The following UBE2E3 variants were observed in gnomAD, a reference collection of about 807,000 sequenced individuals.
UBE2E3 encodes ubiquitin-conjugating enzyme E2 E3.
UBE2E3 carries 5 observed loss-of-function variants against 23.6 expected under a neutral mutation model. The observed-to-expected ratio is 0.21, with a 90% CI of 0.11 to 0.44. The LOEUF (loss-of-function observed/expected upper bound fraction) is 0.44. UBE2E3 is among the 20% of genes least tolerant of loss of function. The pLI is 0.99. For missense variants in UBE2E3, 81 were observed against 249.8 expected (o/e 0.32, Z 4.55); for synonymous variants, 78 against 87.5 (o/e 0.89, Z 0.60).
intron 3 of UBE2E3, among the ~76,000 whole-genome samples, chr2:181,053,776 T>C (rs1378481156): frequency 2.0e-5 from 3 of 151,782 alleles, no homozygotes; most frequent in Non-Finnish European, 4.4e-5. Flanking sequence ...TTTACACATA[T>C]ATAGTGACAT....
At chr2:181,023,861 A>G (rs972854334) in intron 3 of UBE2E3, among the ~76,000 whole-genome samples, 3 of 152,176 alleles carry the variant, frequency 2.0e-5, no homozygotes, top group Admixed American at 1.3e-4. Flanking sequence ...GGTGCCCTCC[A>G]CGTAAGTTCG....
In UBE2E3 at chr2:181,015,856, G is replaced by C. The variant is rs142066914; in HGVS notation, c.245+31763G>C. Among the ~76,000 whole-genome samples the C allele has an allele frequency of 9.2e-5, 14 of 152,078 alleles. No homozygotes were observed. The East Asian group carries it at 2.7e-3, about 29-fold the overall frequency. ...GATACCCACAAAACTTAAGTCACTA[G>C]TTCAGCAATTTATAGCTAACTATGC... is the stretch of plus-strand genomic sequence containing the variant. On this transcript the variant is annotated intron_variant, in intron 3 of 5. Coordinates refer to ENST00000410062, the MANE Select transcript of UBE2E3 (RefSeq NM_006357.4).
chr2:181,032,148 C>T (rs991254721), intron 3 of UBE2E3, among the ~76,000 whole-genome samples: 2 of 152,128 alleles, frequency 1.3e-5, no homozygotes, highest in Admixed American at 1.3e-4. Flanking sequence ...AATTTTATGC[C>T]TAGCTTTTCT....
chr2:181,049,965 C>G (rs574067022), intron 3 of UBE2E3, among the ~76,000 whole-genome samples: 1 of 151,924 alleles, frequency 6.6e-6, no homozygotes, highest in African/African-American at 2.4e-5. Flanking sequence ...ATTTGCCATA[C>G]CCTGAATATA....
chr2:180,994,378 C>T (rs1440353622), intron 3 of UBE2E3, among the ~76,000 whole-genome samples: 1 of 152,140 alleles, frequency 6.6e-6, no homozygotes, highest in Non-Finnish European at 1.5e-5. Flanking sequence ...CTGGCTTCAT[C>T]TATGCCTCCG....
chr2:181,054,084 T>C (rs948727900), intron 3 of UBE2E3, among the ~76,000 whole-genome samples: 1 of 151,852 alleles, frequency 6.6e-6, no homozygotes, highest in Non-Finnish European at 1.5e-5. Flanking sequence ...AGTTTATATA[T>C]CCATTCACCT....
At chr2:181,058,215 G>A (rs1432783215) in intron 4 of UBE2E3, among the ~76,000 whole-genome samples, 1 of 151,686 alleles carries the variant, frequency 6.6e-6, no homozygotes, top group African/African-American at 2.4e-5. Flanking sequence ...AGAAATAAGG[G>A]TTTAATAATG....
intron 5 of UBE2E3, among the ~76,000 whole-genome samples, chr2:181,061,764 C>T (rs1312165493): frequency 2.2e-5 from 3 of 136,272 alleles, no homozygotes; most frequent in Non-Finnish European, 4.6e-5. Context: ...CATTTTGTTT[C>T]GTTATGTGAC....
chr2:180,989,944 T>C, intron 3 of UBE2E3: 1 of 1,549,152 alleles, frequency 6.5e-7, no homozygotes, highest in East Asian at 2.4e-5. Context: ...GAACTTGTCC[T>C]TTCAGTCTCT....
chr2:181,041,893 C>G (rs1269285403), intron 3 of UBE2E3, among the ~76,000 whole-genome samples: 1 of 152,202 alleles, frequency 6.6e-6, no homozygotes, highest in African/African-American at 2.4e-5. Flanking sequence ...CTTGCCATCA[C>G]AAAGTGTGGA....
intron 3 of UBE2E3, among the ~76,000 whole-genome samples, chr2:181,026,789 A>G (rs1023740468): frequency 6.6e-6 from 1 of 151,870 alleles, no homozygotes; most frequent in African/African-American, 2.4e-5. Context: ...TACACATGCT[A>G]ATGGCAATAT....
At chr2:181,054,897 T>A (rs1686945617) in intron 3 of UBE2E3, among the ~76,000 whole-genome samples, 1 of 151,422 alleles carries the variant, frequency 6.6e-6, no homozygotes, top group Non-Finnish European at 1.5e-5. Flanking sequence ...GAATAGAGAG[T>A]GAGAACGAGG....
At chr2:181,019,283 C>T (rs1337304460) in intron 3 of UBE2E3, among the ~76,000 whole-genome samples, 7 of 152,190 alleles carry the variant, frequency 4.6e-5, no homozygotes, top group Middle Eastern at 3.2e-3. Context: ...TATGAGAATA[C>T]GGGTCCCTGA....
intron 3 of UBE2E3, among the ~76,000 whole-genome samples, chr2:180,997,248 T>A (rs1684851607): frequency 6.6e-6 from 1 of 152,070 alleles, no homozygotes; most frequent in Admixed American, 6.5e-5. Flanking sequence ...TATCTATCTC[T>A]ATTTATTTTT....
intron 3 of UBE2E3, among the ~76,000 whole-genome samples, chr2:181,021,161 A>G (rs1685657253): frequency 1.3e-5 from 2 of 152,190 alleles, no homozygotes; most frequent in African/African-American, 4.8e-5. Context: ...ATAGTAATGT[A>G]GTTGCGACTA....
intron 3 of UBE2E3, among the ~76,000 whole-genome samples, chr2:181,015,094 TA>T (rs1312066564): frequency 6.6e-6 from 1 of 152,084 alleles, no homozygotes; most frequent in Non-Finnish European, 1.5e-5. Context: ...TCTTAATTAA[TA>T]TTTTTTTCCC....
chr2:181,033,887 A>T (rs1344349918), intron 3 of UBE2E3, among the ~76,000 whole-genome samples: 1 of 152,254 alleles, frequency 6.6e-6, no homozygotes, highest in African/African-American at 2.4e-5. Context: ...GACACTTCTC[A>T]AAAGAAGACA....
chr2:181,038,338 A>G (rs1045634644), intron 3 of UBE2E3, among the ~76,000 whole-genome samples: 2 of 152,232 alleles, frequency 1.3e-5, no homozygotes, highest in African/African-American at 4.8e-5. Context: ...CTAAGTGTGT[A>G]GTAGGCTGTA....
intron 3 of UBE2E3, among the ~76,000 whole-genome samples, chr2:180,991,473 A>G (rs1263308229): frequency 6.6e-6 from 1 of 152,208 alleles, no homozygotes; most frequent in Non-Finnish European, 1.5e-5. Flanking sequence ...TAAGCACTGC[A>G]GTAGTCTATA....
Sources: gnomAD v4.1 joint callset for allele counts (sites outside exome capture counted in the v4.1 genomes callset) on GRCh38, gnomAD v4.1.1 for gene constraint, MANE v1.5 for transcripts, NCBI Gene and HGNC (gene_info 2026-07-23, HGNC 2026-07-21) for gene names.